The following TECPR1 variants were observed in gnomAD, a reference collection of about 807,000 sequenced individuals.
TECPR1 encodes tectonin beta-propeller repeat containing 1.
A neutral mutation model predicts 162.4 loss-of-function variants in TECPR1; 122 were observed. That is an observed-to-expected ratio of 0.75 (90% CI 0.65 to 0.87). The LOEUF (loss-of-function observed/expected upper bound fraction) is 0.87, where lower values mean the gene tolerates loss of function less well. Ranked by LOEUF, TECPR1 falls within the 40% of genes least tolerant of loss-of-function variation. TECPR1 has a pLI of 0.00. For synonymous variants in TECPR1, 642 were observed against 670.6 expected, an observed-to-expected ratio of 0.96 and a Z score of 0.66; for missense variants, 1,432 against 1,618.2, an observed-to-expected ratio of 0.88 and a Z score of 1.97.
intron 8 of TECPR1, 64 bp from the exon 9 acceptor site, chr7:98,238,674 T>G (rs1022270902): frequency 1.5e-5 from 20 of 1,342,034 alleles, no homozygotes; most frequent in Non-Finnish European, 2.0e-5. Context: ...TTCGTTCGTT[T>G]AAGCCTCAGG....
chr7:98,247,167 G>A (rs1349032992), intron 2 of TECPR1, among the ~76,000 whole-genome samples: 2 of 151,832 alleles, frequency 1.3e-5, no homozygotes, highest in Middle Eastern at 3.2e-3. Flanking sequence ...AGTAGAGACA[G>A]GGTCTTGCTC....
At position 98,223,085 on chromosome 7, in the gene TECPR1, C is replaced by G. The variant is rs1798184463; in HGVS notation, c.2833G>C (p.Gly945Arg). ...RDVSIIPESP[G>R]AEGSGHSIAL... The stretch of plus-strand genomic sequence containing the variant: ...ATGCTGTGCCCACTCCCCTCGGCAC[C>G]CGGGCTCTCCGGGATGATGGACACG... The change falls in exon 21 of 26, where the codon GGT becomes CGT. Residue 945 changes from glycine to arginine, a missense_variant. By Grantham distance (125) the Gly-to-Arg change is moderately radical (BLOSUM62 -2). Coordinates refer to ENST00000447648, the MANE Select transcript of TECPR1 (RefSeq NM_015395.3). 1 of 1,603,032 alleles carries G rather than the reference C, an allele frequency of 6.2e-7. No homozygotes were observed. The highest frequency in any genetic ancestry group is 8.5e-7 in the Non-Finnish European group (1 of 1,175,584).
chr7:98,220,138 T>C (rs1478992869), intron 23 of TECPR1, among the ~76,000 whole-genome samples: 1 of 151,748 alleles, frequency 6.6e-6, no homozygotes, highest in African/African-American at 2.4e-5. Context: ...GGTCAGGAGT[T>C]CGAGACCAGC....
intron 9 of TECPR1, 37 bp from the exon 10 acceptor site, chr7:98,236,958 G>A (rs1236800033): frequency 2.0e-5 from 30 of 1,493,636 alleles, no homozygotes; most frequent in Non-Finnish European, 2.5e-5. Context: ...GAATCTGGGC[G>A]CAGGCCCGGG....
At chr7:98,222,309 C>T in intron 22 of TECPR1, 77 bp downstream of exon 22, 1 of 1,522,702 alleles carries the variant, frequency 6.6e-7, no homozygotes, top group Non-Finnish European at 8.8e-7. Context: ...GGGACCCTGG[C>T]CCAGAGGGGA....
Position 98,221,743 on chromosome 7 carries a change from C to A in TECPR1, c.3075G>T (p.Trp1025Cys), listed in dbSNP as rs1326392995. The change falls in exon 23 of 26, where the codon TGG becomes TGT. Residue 1025 changes from tryptophan (W) to cysteine (C), a missense_variant. Trp to Cys is a radical substitution (Grantham distance 215). Transcript: ENST00000447648. ...GTCTCGGTGGGGACGGGATGTGGTA[C>A]CAGCAGTCACCTGCGAAGGGGAGGC... ...VYPSQPAGDC[W>C]YHIPSPPRQR... 1 of 1,610,368 alleles carries A rather than the reference C, an allele frequency of 6.2e-7. No individual in the cohort carries two copies. Among genetic ancestry groups the A allele is most frequent in the Non-Finnish European group, 8.5e-7 (1 of 1,178,650 alleles).
rs1458908392 is a variant in TECPR1 at position 98,232,770 on chromosome 7, A to C, written c.1818+57T>G. The C allele has an allele frequency of 4.0e-6, 6 of 1,488,086 alleles. No individual in the cohort carries two copies. The Admixed American group carries it at 1.4e-4, about 34-fold the overall frequency. The allele number at this position is 1,488,086 out of a possible 1,614,324, so 92.2% of individuals were successfully genotyped here. On this transcript the variant is annotated intron_variant, in intron 12 of 25. Transcript: ENST00000447648. The surrounding 1 kb of genome is among the most constrained non-coding windows in gnomAD (Gnocchi z 4.6). ...CAGAGCTGGTACACAGCAGGCGCTCAATGAATGATTGCTGGAAAAAAAAAA... is the reference window on the plus strand; with the variant it reads ...CAGAGCTGGTACACAGCAGGCGCTCCATGAATGATTGCTGGAAAAAAAAAA...
At position 98,246,155 on chromosome 7, in the gene TECPR1, CT is replaced by C. The variant is rs1798903957; in HGVS notation, c.-10del. ...AGCACTGAGTTGGGCATGGCAGCGG[CT>C]GGAGGTAACCTGCGGCAGGAGGACG... On this transcript the variant is annotated 5_prime_UTR_variant, in exon 3 of 26. Coordinates refer to ENST00000447648, the MANE Select transcript of TECPR1 (RefSeq NM_015395.3). 6.5e-7 allele frequency: 1 copy of C among 1,537,648 alleles called. No individual in the cohort carries two copies. Among genetic ancestry groups the C allele is most frequent in the Non-Finnish European group, 8.8e-7 (1 of 1,137,722 alleles).
chr7:98,250,513 C>A (rs1799037946), intron 2 of TECPR1, among the ~76,000 whole-genome samples: 2 of 152,050 alleles, frequency 1.3e-5, no homozygotes, highest in Non-Finnish European at 2.9e-5. Context: ...TGGCACATGC[C>A]TGTGATCCTA....
intron 15 of TECPR1, among the ~76,000 whole-genome samples, chr7:98,230,634 G>A (rs186720484): frequency 2.4e-4 from 36 of 152,152 alleles, no homozygotes; most frequent in African/African-American, 8.7e-4. Flanking sequence ...GGCAGGTGGA[G>A]AGACGTGGCT....
At position 98,222,514 on chromosome 7, in the gene TECPR1, G is replaced by C; in HGVS notation, c.2936C>G (p.Ser979Cys). 1 of 1,580,054 alleles carries C rather than the reference G, an allele frequency of 6.3e-7. No individual in the cohort carries two copies. Residue 979 changes from serine (S) to cysteine (C), a missense_variant, in exon 22 of 26, where the codon TCC becomes TGC. Transcript: ENST00000447648. ...GVSELNPAGS[S>C]WLHVGTDQPF... ...CTGGTCGGTGCCAACGTGCAGCCAG[G>C]AGGAGCCCTGGGGATAGCAAGGAGG...
In TECPR1 at chr7:98,226,599, C is replaced by A. The variant is rs963188737; in HGVS notation, c.2513+1415G>T. 3.9e-6 allele frequency: 4 copies of A among 1,034,646 alleles called. No homozygotes were observed. In the African/African-American group the frequency reaches 6.8e-5, roughly 18 times the overall value. 64.1% of individuals were successfully genotyped at this position (1,034,646 alleles called of 1,614,324 possible). A position where few individuals can be genotyped will look rare whatever the true frequency, so the allele number is the denominator to read the frequency against. ...AGAGTTGTCAGAGAGTTTGTTGTTT[C>A]TATTACTAAGTGTTTATTTCGTCAA... On this transcript the variant is annotated intron_variant, in intron 17 of 25. Coordinates refer to ENST00000447648, the MANE Select transcript of TECPR1 (RefSeq NM_015395.3).
intron 6 of TECPR1, 88 bp downstream of exon 6, chr7:98,243,379 G>A (rs1260601100): frequency 7.8e-6 from 12 of 1,536,690 alleles, no homozygotes; most frequent in Admixed American, 1.8e-5. Flanking sequence ...GGGCTCCGGG[G>A]AGGAGCAAGA....
intron 2 of TECPR1, among the ~76,000 whole-genome samples, chr7:98,248,784 T>G (rs1798980263): frequency 6.6e-6 from 1 of 151,064 alleles, no homozygotes; most frequent in African/African-American, 2.4e-5. Context: ...AGGTGGAGGT[T>G]GCAGAGAGCC....
chr7:98,217,641 C>T, intron 25 of TECPR1, 51 bp downstream of exon 25: 1 of 1,518,664 alleles, frequency 6.6e-7, no homozygotes, highest in Non-Finnish European at 8.9e-7. Flanking sequence ...CTTCAGCACC[C>T]AGTGCAGGCA....
intron 17 of TECPR1, chr7:98,226,610 T>C: frequency 9.6e-7 from 1 of 1,044,628 alleles, no homozygotes. Flanking sequence ...TATTACTAAG[T>C]GTTTATTTCG....
chr7:98,226,373 G>A (rs1036981898), intron 17 of TECPR1: 19 of 873,904 alleles, frequency 2.2e-5, no homozygotes, highest in Admixed American at 6.2e-5. Context: ...TCCATAGGAC[G>A]CTGAAAAGGT....
chr7:98,245,247 T>C, intron 3 of TECPR1, 180 bp from the exon 4 acceptor site: 2 of 650,922 alleles, frequency 3.1e-6, no homozygotes. Flanking sequence ...CCATGCCACT[T>C]CATCATGAGC....
chr7:98,217,858 C>T (rs752208106), intron 24 of TECPR1, 47 bp from the exon 25 acceptor site: 68 of 1,541,330 alleles, frequency 4.4e-5, no homozygotes, highest in East Asian at 3.9e-4. Flanking sequence ...TGCAGTGGGA[C>T]GGCTGGGCAT....
Sources: gnomAD v4.1 joint callset for allele counts (sites outside exome capture counted in the v4.1 genomes callset) on GRCh38, gnomAD v4.1.1 for gene constraint, Gnocchi (gnomAD v3.1) non-coding constraint, MANE v1.5 for transcripts, NCBI Gene and HGNC (gene_info 2026-07-23, HGNC 2026-07-21) for gene names.